The following SETD7 variants were observed in gnomAD, a reference collection of about 807,000 sequenced individuals.
SETD7 encodes the protein histone-lysine N-methyltransferase SETD7.
In SETD7, 16 loss-of-function variants were observed where a neutral mutation model predicts 41.8. That is an observed-to-expected ratio of 0.38 (90% CI 0.26 to 0.58). The LOEUF (loss-of-function observed/expected upper bound fraction) is 0.58, where lower values mean the gene tolerates loss of function less well. SETD7 is among the 20% of genes least tolerant of loss of function. The pLI, the probability that SETD7 is intolerant of heterozygous loss-of-function variation, is 0.64. For synonymous variants in SETD7, 163 were observed against 169.7 expected, an observed-to-expected ratio of 0.96 and a Z score of 0.31; for missense variants, 346 against 459.7, an observed-to-expected ratio of 0.75 and a Z score of 2.26.
chr4:139,542,993 T>C (rs1402435803), intron 2 of SETD7, among the ~76,000 whole-genome samples: 1 of 152,234 alleles, frequency 6.6e-6, no homozygotes, highest in Admixed American at 6.5e-5. Context: ...GTGATTTTCC[T>C]TGTCTCTTTC....
rs191749792 is a variant in SETD7, at chr4:139,525,732, T to C, written c.563-2297A>G. Among the ~76,000 whole-genome samples, 47 of 152,266 alleles carry C rather than the reference T, an allele frequency of 3.1e-4. No individual in the cohort carries two copies. In the East Asian group the frequency reaches 5.8e-3, roughly 19 times the overall value. ...ATTAATTTCTCTCCTTCCCCAACCATTGGACGCTACAGTCACAGGACCCTG... is the reference window on the plus strand; with the variant it reads ...ATTAATTTCTCTCCTTCCCCAACCACTGGACGCTACAGTCACAGGACCCTG... On this transcript the variant is annotated intron_variant, in intron 4 of 7. Coordinates refer to ENST00000274031, the MANE Select transcript of SETD7 (RefSeq NM_030648.4).
rs1425820698 is a variant in SETD7 at position 139,547,010 on chromosome 4, G to T, written c.80C>A (p.Thr27Lys). The T allele has an allele frequency of 3.1e-6, 5 of 1,614,066 alleles. No homozygotes were observed. The highest frequency in any genetic ancestry group is 4.2e-6 in the Non-Finnish European group (5 of 1,180,052). The part of the protein sequence containing the change: ...DDDGLPHGFC[T>K]VTYSSTDRFE... ...TCTGTCTGTGGAGGAGTAGGTGACT[G>T]TGCAGAACCCGTGCGGTAATCCGTC... Residue 27 changes from threonine to lysine, a missense_variant, in exon 2 of 8, where the codon ACA becomes AAA. Thr to Lys is a moderately conservative substitution (Grantham distance 78, BLOSUM62 -1). Coordinates refer to ENST00000274031, the MANE Select transcript of SETD7 (RefSeq NM_030648.4).
chr4:139,518,892 G>T (rs1334750769), intron 6 of SETD7, among the ~76,000 whole-genome samples: 1 of 152,202 alleles, frequency 6.6e-6, no homozygotes, highest in African/African-American at 2.4e-5. Context: ...AGGAGCTGGT[G>T]ATGACAGCAG....
chr4:139,546,786 C>T (rs1483188716), intron 2 of SETD7, 134 bp downstream of exon 2: 2 of 1,233,838 alleles, frequency 1.6e-6, no homozygotes, highest in East Asian at 2.4e-5. Context: ...AAAGCAGTGC[C>T]TACAGGTAGG....
rs149085823 is a variant in SETD7 at position 139,509,743 on chromosome 4, G to C, written c.*1920C>G. ...CCTGGCCCATCCGTCACAGTGTATAGAACGGTCTCTTTCTACAGAGTAAGA... is the reference window on the plus strand; with the variant it reads ...CCTGGCCCATCCGTCACAGTGTATACAACGGTCTCTTTCTACAGAGTAAGA... On this transcript the variant is annotated 3_prime_UTR_variant, in exon 8 of 8. Transcript: ENST00000274031. 6.7e-3 allele frequency: 6,555 copies of C among 985,436 alleles called. 15 individuals are homozygous for C. Among genetic ancestry groups the C allele is most frequent in the Non-Finnish European group, 7.5e-3 (6,225 of 829,924 alleles). 61.0% of individuals were successfully genotyped at this position (985,436 alleles called of 1,614,324 possible). A position where few individuals can be genotyped will look rare whatever the true frequency, so the allele number is the denominator to read the frequency against.
intron 3 of SETD7, chr4:139,532,848 C>CA: frequency 2.5e-6 from 1 of 405,960 alleles, no homozygotes; most frequent in Non-Finnish European, 4.4e-6. Context: ...CTCTATGTGC[C>CA]AAAAGAATTA....
intron 7 of SETD7, 123 bp from the exon 8 acceptor site, chr4:139,511,966 C>T (rs913159911): frequency 2.8e-6 from 4 of 1,439,846 alleles, no homozygotes; most frequent in East Asian, 2.5e-5. Flanking sequence ...CTGGTATGTG[C>T]CCAAAGTGTG....
intron 3 of SETD7, among the ~76,000 whole-genome samples, chr4:139,531,593 C>T (rs1291929196): frequency 6.6e-6 from 1 of 152,170 alleles, no homozygotes; most frequent in Non-Finnish European, 1.5e-5. Flanking sequence ...ATCACGGATC[C>T]TACCAAGAGG....
intron 1 of SETD7, 99 bp from the exon 2 acceptor site, chr4:139,547,148 A>C: frequency 1.4e-6 from 2 of 1,447,844 alleles, no homozygotes; most frequent in Non-Finnish European, 1.9e-6. Flanking sequence ...CCCCCACCCA[A>C]CTCCCCTCCA....
rs1258199901 is a variant in SETD7, at chr4:139,543,433, A to T, written c.170+3487T>A. Among the ~76,000 whole-genome samples, 4 of 152,174 alleles carry T rather than the reference A, an allele frequency of 2.6e-5. No individual in the cohort carries two copies. The East Asian group carries it at 7.7e-4, about 29-fold the overall frequency. On this transcript the variant is annotated intron_variant, in intron 2 of 7. Transcript: ENST00000274031. ...CTTTTAGCAGATGTCTCGTAACATG[A>T]TCAGTATTTGGGTTTAAGAAGATGA...
chr4:139,515,231 C>T (rs1413037969), intron 7 of SETD7, among the ~76,000 whole-genome samples: 4 of 149,986 alleles, frequency 2.7e-5, no homozygotes, highest in Non-Finnish European at 5.9e-5. Context: ...CAAATGAATA[C>T]CATAAATTGG....
chr4:139,520,581 A>T (rs2111134438), intron 5 of SETD7, among the ~76,000 whole-genome samples, 187 bp from the exon 6 acceptor site: 1 of 152,348 alleles, frequency 6.6e-6, no homozygotes. Context: ...AACGGTAGTT[A>T]TGTCTCTTTT....
chr4:139,530,858 T>TTAGG (rs1401066316), intron 3 of SETD7, among the ~76,000 whole-genome samples: 120 of 152,328 alleles, frequency 7.9e-4, no homozygotes, highest in African/African-American at 2.6e-3. Context: ...AGAAATACAC[T>TTAGG]GTCCTTAGGG....
At chr4:139,556,070 T>TC in intron 1 of SETD7, 28 bp downstream of exon 1, 1 of 1,579,076 alleles carries the variant, frequency 6.3e-7, no homozygotes, top group South Asian at 1.2e-5. Context: ...CTGCGCCTCC[T>TC]CCCCCGGCCC....
At chr4:139,528,408 A>G (rs1003103370) in intron 4 of SETD7, among the ~76,000 whole-genome samples, 60 of 152,232 alleles carry the variant, frequency 3.9e-4, no homozygotes, top group African/African-American at 1.4e-3. Context: ...TTATCATAGT[A>G]CAGTTTTTTG....
At chr4:139,542,841 C>G (rs1727818492) in intron 2 of SETD7, among the ~76,000 whole-genome samples, 1 of 152,174 alleles carries the variant, frequency 6.6e-6, no homozygotes, top group Admixed American at 6.6e-5. Context: ...AGATTTATCT[C>G]ATTCGATGTC....
rs1560673600 is a variant in SETD7, at chr4:139,508,355, T to G, written c.*3308A>C. 1 of 152,180 alleles carries G rather than the reference T, an allele frequency of 6.6e-6. No homozygotes were observed. Among genetic ancestry groups the G allele is most frequent in the Admixed American group, 6.5e-5 (1 of 15,278 alleles). The allele number at this position is 152,180 out of a possible 1,614,324, so 9.4% of individuals were successfully genotyped here. A position where few individuals can be genotyped will look rare whatever the true frequency, so the allele number is the denominator to read the frequency against. On this transcript the variant is annotated 3_prime_UTR_variant, in exon 8 of 8. Transcript: ENST00000274031. The stretch of plus-strand genomic sequence containing the variant: ...AGGATGAAGCAAGTTAAAATAAGAA[T>G]AGGTACTACAAGACTCAAGAACTCC...
chr4:139,503,621 C>T (rs368208642), downstream of SETD7, among the ~76,000 whole-genome samples: 4 of 149,962 alleles, frequency 2.7e-5, no homozygotes, highest in Non-Finnish European at 4.4e-5. Context: ...TCTACAGCCC[C>T]CCTGATAAAT....
At chr4:139,542,382 TAGA>T (rs1343746492) in intron 2 of SETD7, among the ~76,000 whole-genome samples, 2 of 152,174 alleles carry the variant, frequency 1.3e-5, no homozygotes, top group Non-Finnish European at 2.9e-5. Context: ...TCAAAATAGC[TAGA>T]AGAAGGGATT....
Sources: gnomAD v4.1 joint callset for allele counts (sites outside exome capture counted in the v4.1 genomes callset) on GRCh38, gnomAD v4.1.1 for gene constraint, MANE v1.5 for transcripts, NCBI Gene and HGNC (gene_info 2026-07-23, HGNC 2026-07-21) for gene names.